Variants in RAB3B observed in about 807,000 individuals in gnomAD.
RAB3B encodes RAB3B, member RAS oncogene family.
A neutral mutation model predicts 20.5 loss-of-function variants in RAB3B; 11 were observed. The observed-to-expected ratio is 0.54, with a 90% CI of 0.34 to 0.89. The LOEUF is 0.89. RAB3B is among the 40% of genes least tolerant of loss of function. The probability of loss-of-function intolerance (pLI) is 0.02; values close to 1 mark genes in which losing one functional copy is unlikely to be tolerated. For missense variants in RAB3B, 225 were observed against 280.9 expected, an observed-to-expected ratio of 0.80 and a Z score of 1.42; for synonymous variants, 99 against 106.3, an observed-to-expected ratio of 0.93 and a Z score of 0.42.
At chr1:51,957,406 G>A (rs1302868694) in intron 2 of RAB3B, among the ~76,000 whole-genome samples, 3 of 152,110 alleles carry the variant, frequency 2.0e-5, no homozygotes, top group African/African-American at 7.2e-5. Flanking sequence ...ATTAAACACT[G>A]TAAGCACTTA....
At chr1:51,966,810 A>G (rs767180426) in intron 2 of RAB3B, among the ~76,000 whole-genome samples, 2 of 151,384 alleles carry the variant, frequency 1.3e-5, no homozygotes, top group Non-Finnish European at 2.9e-5. Context: ...AGCCACAGAG[A>G]CTTGTCAGAG....
At chr1:51,944,287 C>A (rs1036433598) in intron 2 of RAB3B, among the ~76,000 whole-genome samples, 4 of 152,168 alleles carry the variant, frequency 2.6e-5, no homozygotes, top group Non-Finnish European at 5.9e-5. Context: ...AACCCACTCT[C>A]AGGAAAAAAT....
intron 3 of RAB3B, among the ~76,000 whole-genome samples, chr1:51,935,812 G>T (rs1446948776): frequency 6.6e-6 from 1 of 152,044 alleles, no homozygotes; most frequent in African/African-American, 2.4e-5. Flanking sequence ...AACAGAGGAA[G>T]GAGAGGAGAA....
Position 51,917,278 on chromosome 1 carries a change from GGTTT to G in RAB3B, c.*2645_*2648del, listed in dbSNP as rs1212865730. 2.0e-5 allele frequency: 3 copies of G among 152,050 alleles called. No individual in the cohort carries two copies. Among genetic ancestry groups the G allele is most frequent in the Non-Finnish European group, 4.4e-5 (3 of 68,024 alleles). 9.4% of individuals were successfully genotyped at this position (152,050 alleles called of 1,614,324 possible). On this transcript the variant is annotated 3_prime_UTR_variant, in exon 5 of 5. Coordinates refer to ENST00000371655, the MANE Select transcript of RAB3B (RefSeq NM_002867.4). ...CTTGGATGCCAATCCTGATCTCTCA[GGTTT>G]GTTTGGTGGATCAACTGAAATGGTG...
At chr1:51,985,121 GAGT>G (rs2124321290) in intron 1 of RAB3B, among the ~76,000 whole-genome samples, 1 of 152,312 alleles carries the variant, frequency 6.6e-6, no homozygotes, top group Admixed American at 6.5e-5. Flanking sequence ...CAAATAGAAA[GAGT>G]AGTACTATAC....
At chr1:51,973,122 C>A (rs1042362519) in intron 2 of RAB3B, among the ~76,000 whole-genome samples, 1 of 152,324 alleles carries the variant, frequency 6.6e-6, no homozygotes, top group South Asian at 2.1e-4. Flanking sequence ...TATGGCTCCC[C>A]AGTGCCTATG....
chr1:51,944,455 T>C (rs1426306107), intron 2 of RAB3B, among the ~76,000 whole-genome samples: 3 of 152,234 alleles, frequency 2.0e-5, no homozygotes, highest in East Asian at 3.8e-4. Flanking sequence ...AAGGCTTATT[T>C]GGACCTGGGC....
chr1:51,934,314 A>G (rs905756937), intron 3 of RAB3B, among the ~76,000 whole-genome samples: 3 of 151,992 alleles, frequency 2.0e-5, no homozygotes, highest in East Asian at 1.9e-4. Flanking sequence ...TGATCCCACA[A>G]CACCTTGAGG....
At chr1:51,928,458 G>C (rs1342368152) in intron 4 of RAB3B, among the ~76,000 whole-genome samples, 1 of 152,212 alleles carries the variant, frequency 6.6e-6, no homozygotes, top group Non-Finnish European at 1.5e-5. Context: ...TCTTGACTGA[G>C]AGAGCTGAGA....
chr1:51,964,809 G>A (rs1684826491), intron 2 of RAB3B, among the ~76,000 whole-genome samples: 1 of 152,136 alleles, frequency 6.6e-6, no homozygotes, highest in South Asian at 2.1e-4. Flanking sequence ...CCTAGTTCAA[G>A]CCACCATCAT....
chr1:51,975,800 T>C (rs2124310495), intron 2 of RAB3B, among the ~76,000 whole-genome samples: 1 of 152,244 alleles, frequency 6.6e-6, no homozygotes, highest in Non-Finnish European at 1.5e-5. Flanking sequence ...GAGACCAGCC[T>C]GGCCAACATG....
chr1:51,964,583 A>G (rs1439361977), intron 2 of RAB3B, among the ~76,000 whole-genome samples: 2 of 152,040 alleles, frequency 1.3e-5, no homozygotes, highest in Non-Finnish European at 2.9e-5. Flanking sequence ...AGCATAACCA[A>G]ACTGAATCCC....
chr1:51,938,862 T>C (rs1440480330), intron 2 of RAB3B, among the ~76,000 whole-genome samples: 1 of 152,042 alleles, frequency 6.6e-6, no homozygotes, highest in Non-Finnish European at 1.5e-5. Context: ...CGTTTTACCA[T>C]GTTGCCCAGG....
At chr1:51,986,802 C>T (rs1685157043) in intron 1 of RAB3B, among the ~76,000 whole-genome samples, 1 of 152,120 alleles carries the variant, frequency 6.6e-6, no homozygotes, top group Non-Finnish European at 1.5e-5. Flanking sequence ...ATGGAAGCCC[C>T]CAAGGGGATC....
intron 2 of RAB3B, among the ~76,000 whole-genome samples, chr1:51,957,136 C>T (rs1430842531): frequency 6.6e-6 from 1 of 152,154 alleles, no homozygotes; most frequent in East Asian, 1.9e-4. Flanking sequence ...TGTAGCAGCA[C>T]AACTGGTGGA....
At chr1:51,933,511 A>C in intron 3 of RAB3B, 69 bp from the exon 4 acceptor site, 1 of 1,452,142 alleles carries the variant, frequency 6.9e-7, no homozygotes, top group Non-Finnish European at 9.4e-7. Flanking sequence ...CCCCACCTCC[A>C]AATTTACATG....
At chr1:51,930,492 C>T (rs962515754) in intron 4 of RAB3B, among the ~76,000 whole-genome samples, 1 of 152,178 alleles carries the variant, frequency 6.6e-6, no homozygotes, top group Admixed American at 6.5e-5. Context: ...ACTGGTTCTA[C>T]CCTCTTACTA....
chr1:51,988,973 C>A (rs1023051303), intron 1 of RAB3B, among the ~76,000 whole-genome samples: 3 of 151,842 alleles, frequency 2.0e-5, no homozygotes, highest in Non-Finnish European at 4.4e-5. Flanking sequence ...CCCACCTCCC[C>A]CAAAATGCTT....
intron 1 of RAB3B, among the ~76,000 whole-genome samples, chr1:51,989,257 T>TGTGTGTGTGTGTGTGTGTG (rs1557980860): frequency 2.8e-5 from 4 of 143,390 alleles, no homozygotes; most frequent in African/African-American, 7.6e-5. Context: ...TGTGTGTGTG[T>TGTGTGTGTGTGTGTGTGTG]TTTGAGGGCC....
Sources: allele counts gnomAD v4.1 joint callset (sites outside exome capture counted in the v4.1 genomes callset), GRCh38; gene constraint gnomAD v4.1.1; transcripts MANE v1.5; gene names NCBI Gene and HGNC (gene_info 2026-07-23, HGNC 2026-07-21).